Variants in WNT16 observed in about 807,000 individuals in gnomAD.
WNT16 encodes protein Wnt-16.
Under a neutral mutation model 35.4 loss-of-function variants are expected in WNT16, and 20 were observed. The observed-to-expected ratio is 0.56, with a 90% CI of 0.40 to 0.82. The LOEUF (loss-of-function observed/expected upper bound fraction) is 0.82, where lower values mean the gene tolerates loss of function less well. Among genes scored for constraint, WNT16 ranks in the 40% least tolerant of loss-of-function variants. The pLI is 0.00. For missense variants in WNT16, 461 were observed against 466.0 expected (o/e 0.99, Z 0.10); for synonymous variants, 180 against 179.2 (o/e 1.00, Z -0.03).
rs1793290928 is a variant in WNT16 at position 121,329,066 on chromosome 7, G to T, written c.-227G>T. 5 of 1,277,380 alleles carry T rather than the reference G, an allele frequency of 3.9e-6. No individual in the cohort carries two copies. Among genetic ancestry groups the T allele is most frequent in the Non-Finnish European group, 4.0e-6 (4 of 1,012,442 alleles). 79.1% of individuals were successfully genotyped at this position (1,277,380 alleles called of 1,614,324 possible). A position where few individuals can be genotyped will look rare whatever the true frequency, so the allele number is the denominator to read the frequency against. On this transcript the variant is annotated 5_prime_UTR_variant, in exon 1 of 4. Coordinates refer to ENST00000222462, the MANE Select transcript of WNT16 (RefSeq NM_057168.2). ...ATCTCCTGCACATCTCCACCCCTGC[G>T]CAGGAGGAGATCCCCAGGCTGCTCT...
rs1793292356 is a variant in WNT16, at chr7:121,329,164, ATGT to A, written c.-125_-123del. 1.4e-6 allele frequency: 2 copies of A among 1,422,756 alleles called. No homozygotes were observed. Among genetic ancestry groups the A allele is most frequent in the African/African-American group, 2.9e-5 (2 of 69,490 alleles). 88.1% of individuals were successfully genotyped at this position (1,422,756 alleles called of 1,614,324 possible). A position where few individuals can be genotyped will look rare whatever the true frequency, so the allele number is the denominator to read the frequency against. The stretch of plus-strand genomic sequence containing the variant: ...AGTCCCTATCACTGCTGGCCTTTTA[ATGT>A]TGTATGCAAGGAGGAAGAGGGCGAG... On this transcript the variant is annotated 5_prime_UTR_variant, in exon 1 of 4. Coordinates refer to ENST00000222462, the MANE Select transcript of WNT16 (RefSeq NM_057168.2).
At chr7:121,337,475 T>C (rs1436593452) in intron 3 of WNT16, among the ~76,000 whole-genome samples, 4 of 152,250 alleles carry the variant, frequency 2.6e-5, no homozygotes, top group Non-Finnish European at 4.4e-5. Flanking sequence ...GTAAGTGGAA[T>C]TTAAACTGTG....
At chr7:121,331,070 T>C (rs1374664991) in intron 2 of WNT16, among the ~76,000 whole-genome samples, 1 of 152,244 alleles carries the variant, frequency 6.6e-6, no homozygotes, top group African/African-American at 2.4e-5. Flanking sequence ...GAGGAGTAGC[T>C]AATACTATAT....
upstream of WNT16, among the ~76,000 whole-genome samples, chr7:121,326,922 TA>T (rs1793255080): frequency 6.6e-6 from 1 of 152,164 alleles, no homozygotes; most frequent in African/African-American, 2.4e-5. Flanking sequence ...TGAAATGAAG[TA>T]AAAACTGTAG....
chr7:121,327,708 C>T (rs1793266179), upstream of WNT16, among the ~76,000 whole-genome samples: 1 of 152,154 alleles, frequency 6.6e-6, no homozygotes, highest in South Asian at 2.1e-4. Flanking sequence ...ATACGTCCAC[C>T]ATGGGAATGT....
chr7:121,336,545 T>C (rs542524746), intron 3 of WNT16, among the ~76,000 whole-genome samples: 1 of 152,272 alleles, frequency 6.6e-6, no homozygotes, highest in South Asian at 2.1e-4. Flanking sequence ...GTGCATAACT[T>C]TCATAGAGTA....
chr7:121,328,869 C>A, upstream of WNT16: 1 of 264,706 alleles, frequency 3.8e-6, no homozygotes, highest in Non-Finnish European at 6.0e-6. Context: ...CGGAGCCGCT[C>A]TCCACCAATA....
At chr7:121,327,556 G>A (rs530955935), upstream of WNT16, among the ~76,000 whole-genome samples, 1 of 152,086 alleles carries the variant, frequency 6.6e-6, no homozygotes, top group Non-Finnish European at 1.5e-5. Context: ...CACCATGTTG[G>A]CCATGCTGGT....
upstream of WNT16, among the ~76,000 whole-genome samples, chr7:121,327,801 C>T (rs1276646777): frequency 4.6e-5 from 7 of 152,268 alleles, no homozygotes; most frequent in African/African-American, 1.7e-4. Flanking sequence ...GCAGGCTTTC[C>T]CAATACCACA....
chr7:121,329,244 G>A lies in WNT16; in HGVS notation c.-49G>A, dbSNP rs972973887. On this transcript the variant is annotated 5_prime_UTR_variant, in exon 1 of 4. Coordinates refer to ENST00000222462, the MANE Select transcript of WNT16 (RefSeq NM_057168.2). The stretch of plus-strand genomic sequence containing the variant: ...CTGCGGCCCGAAGGGCCTCTGGGGA[G>A]GGGGTGCAAAAGAGGAGCGGCTGGG... 7.4e-6 allele frequency: 11 copies of A among 1,494,358 alleles called. No homozygotes were observed. In the African/African-American group the frequency reaches 9.8e-5, roughly 13 times the overall value. 92.6% of individuals were successfully genotyped at this position (1,494,358 alleles called of 1,614,324 possible). A position where few individuals can be genotyped will look rare whatever the true frequency, so the allele number is the denominator to read the frequency against.
rs759733162 is a variant in WNT16 at position 121,329,419 on chromosome 7, T to C, written c.95+32T>C. The C allele has an allele frequency of 4.4e-6, 7 of 1,602,634 alleles. No homozygotes were observed. In the South Asian group the frequency reaches 7.8e-5, roughly 18 times the overall value. ...ATGGAGGTGGCAGGGAAGCATCGGG[T>C]AGGTGGCAAAAGGGGTGCCCAATCC... On this transcript the variant is annotated intron_variant, in intron 1 of 3. Coordinates refer to ENST00000222462, the MANE Select transcript of WNT16 (RefSeq NM_057168.2).
intron 3 of WNT16, among the ~76,000 whole-genome samples, chr7:121,338,441 A>AT (rs1250431158): frequency 1.1e-4 from 16 of 152,178 alleles, no homozygotes; most frequent in Non-Finnish European, 1.5e-5. Context: ...GAGAGTCTGC[A>AT]TATCTCACAA....
At chr7:121,325,928 C>A (rs1256549965), upstream of WNT16, among the ~76,000 whole-genome samples, 1 of 150,128 alleles carries the variant, frequency 6.7e-6, no homozygotes, top group Non-Finnish European at 1.5e-5. Context: ...GTAGTCCCAG[C>A]TACTCAGGAG....
intron 3 of WNT16, among the ~76,000 whole-genome samples, chr7:121,337,356 T>G (rs780671057): frequency 6.6e-6 from 1 of 152,250 alleles, no homozygotes. Context: ...AGTTCAGACA[T>G]TTTTAAAATT....
At position 121,329,407 on chromosome 7, in the gene WNT16, G is replaced by A. The variant is rs1316646692; in HGVS notation, c.95+20G>A. 3.7e-6 allele frequency: 6 copies of A among 1,606,186 alleles called. No individual in the cohort carries two copies. The highest frequency in any genetic ancestry group is 1.7e-4 in the Middle Eastern group (1 of 6,042). On this transcript the variant is annotated intron_variant, in intron 1 of 3. Transcript: ENST00000222462. ...CTGGATGTGAGTATGGAGGTGGCAG[G>A]GAAGCATCGGGTAGGTGGCAAAAGG... is the stretch of plus-strand genomic sequence containing the variant.
intron 2 of WNT16, 69 bp downstream of exon 2, chr7:121,329,886 T>C (rs904406940): frequency 1.3e-6 from 2 of 1,568,358 alleles, no homozygotes; most frequent in Non-Finnish European, 1.7e-6. Context: ...TTCCTGCAAA[T>C]AAAGTAAATA....
Position 121,339,294 on chromosome 7 carries a change from T to C in WNT16, c.1047T>C (p.Tyr349=). 6.2e-7 allele frequency: 1 copy of C among 1,614,062 alleles called. No individual in the cohort carries two copies. Among genetic ancestry groups the C allele is most frequent in the Non-Finnish European group, 8.5e-7 (1 of 1,180,004 alleles). ...RCECKFIWCC[Y]VRCRRCESMT... is the part of the protein sequence containing the mutation. ...AGTGTAAGTTCATCTGGTGCTGCTA[T>C]GTCCGTTGCAGGAGGTGTGAAAGCA... Residue 349 remains tyrosine (Y), a synonymous_variant, in exon 4 of 4, where the codon TAT becomes TAC. Transcript: ENST00000222462.
At chr7:121,328,883 G>A (rs985360686), upstream of WNT16, 1 of 324,300 alleles carries the variant, frequency 3.1e-6, no homozygotes, top group Non-Finnish European at 4.5e-6. Context: ...ACCAATAAGA[G>A]CCTGAGGTCC....
At chr7:121,325,514 C>T (rs540494789), upstream of WNT16, 31 of 1,598,318 alleles carry the variant, frequency 1.9e-5, no homozygotes, top group African/African-American at 4.2e-4. Flanking sequence ...AACAAAACAA[C>T]TTTTTCAATG....
Sources: allele counts gnomAD v4.1 joint callset (sites outside exome capture counted in the v4.1 genomes callset), GRCh38; gene constraint gnomAD v4.1.1; transcripts MANE v1.5; gene names NCBI Gene and HGNC (gene_info 2026-07-23, HGNC 2026-07-21).